ZFHX3: variants seen among roughly 807,000 people sequenced by gnomAD.
ZFHX3 encodes zinc finger homeobox 3, also known as zinc finger homeobox protein 3.
A neutral mutation model predicts 279.1 loss-of-function variants in ZFHX3; 42 were observed. The ratio of observed to expected loss-of-function variants is 0.15; its 90% CI spans 0.12 to 0.19. The LOEUF (loss-of-function observed/expected upper bound fraction) is 0.19. ZFHX3 is among the 10% of genes least tolerant of loss of function. ZFHX3 has a pLI of 1.00. For synonymous variants in ZFHX3, 2,293 were observed against 1,957.8 expected (o/e 1.17, Z -4.52); for missense variants, 4,981 against 4,754.0 (o/e 1.05, Z -1.40).
intron 2 of ZFHX3, among the ~76,000 whole-genome samples, chr16:73,522,651 G>C (rs1160004872): frequency 6.6e-6 from 1 of 152,148 alleles, no homozygotes; most frequent in Non-Finnish European, 1.5e-5. Flanking sequence ...CCTGAGGACA[G>C]GGTGCCCTAA....
At chr16:73,748,155 T>C (rs1321971776) in intron 1 of ZFHX3, among the ~76,000 whole-genome samples, 1 of 152,100 alleles carries the variant, frequency 6.6e-6, no homozygotes, top group Admixed American at 6.5e-5. Context: ...GGATTTTTCA[T>C]CAATGAAATG....
intron 2 of ZFHX3, among the ~76,000 whole-genome samples, chr16:73,538,806 A>G (rs2143744356): frequency 6.6e-6 from 1 of 152,350 alleles, no homozygotes; most frequent in Admixed American, 6.5e-5. Context: ...CGGGCAAACG[A>G]CAATAACAAT....
intron 3 of ZFHX3, among the ~76,000 whole-genome samples, chr16:73,399,011 TGCAC>T (rs201151208): frequency 0.017 from 2,542 of 150,916 alleles, 79 homozygotes; most frequent in African/African-American, 0.059. Flanking sequence ...ACTACAGGCA[TGCAC>T]CACCATGCCC....
intron 2 of ZFHX3, among the ~76,000 whole-genome samples, chr16:73,666,370 A>G (rs1448585705): frequency 6.6e-6 from 1 of 151,964 alleles, no homozygotes; most frequent in Non-Finnish European, 1.5e-5. Context: ...CTTTTTTCAT[A>G]TACAAAATGT....
At chr16:72,924,506 T>C (rs557400733) in intron 3 of ZFHX3, among the ~76,000 whole-genome samples, 1 of 152,264 alleles carries the variant, frequency 6.6e-6, no homozygotes, top group Non-Finnish European at 1.5e-5. Flanking sequence ...ACATAAGTTG[T>C]TTCAAGCCAG....
At chr16:73,759,742 G>T (rs946469948) in intron 1 of ZFHX3, among the ~76,000 whole-genome samples, 1 of 152,054 alleles carries the variant, frequency 6.6e-6, no homozygotes, top group Non-Finnish European at 1.5e-5. Flanking sequence ...CCAGTATTAT[G>T]GGCCCAATTC....
At chr16:73,537,899 T>G (rs2019935732) in intron 2 of ZFHX3, among the ~76,000 whole-genome samples, 1 of 152,244 alleles carries the variant, frequency 6.6e-6, no homozygotes, top group African/African-American at 2.4e-5. Context: ...TATCTTGGAA[T>G]TCGACTTATC....
intron 8 of ZFHX3, among the ~76,000 whole-genome samples, chr16:73,089,762 A>C (rs1296458860): frequency 6.6e-6 from 1 of 152,234 alleles, no homozygotes; most frequent in African/African-American, 2.4e-5. Context: ...AGGCTTTACT[A>C]ATGATCGTCA....
chr16:73,453,747 G>T (rs370096579), intron 3 of ZFHX3, among the ~76,000 whole-genome samples: 1 of 152,214 alleles, frequency 6.6e-6, no homozygotes, highest in East Asian at 1.9e-4. Flanking sequence ...ACATGGCTGG[G>T]GAGGCTTCAC....
chr16:72,996,541 A>C (rs1412945906), intron 1 of ZFHX3, among the ~76,000 whole-genome samples: 1 of 152,200 alleles, frequency 6.6e-6, no homozygotes, highest in African/African-American at 2.4e-5. Flanking sequence ...AATGCTAACA[A>C]CTATCCATCA....
chr16:73,148,674 T>C (rs1013644481), intron 5 of ZFHX3, among the ~76,000 whole-genome samples: 5 of 148,366 alleles, frequency 3.4e-5, no homozygotes, highest in Non-Finnish European at 5.9e-5. Flanking sequence ...GGGTTGGGCA[T>C]GGTGGCTCAC....
At chr16:73,121,103 A>T (rs77479169) in intron 7 of ZFHX3, among the ~76,000 whole-genome samples, 3,722 of 152,326 alleles carry the variant, frequency 0.024, 158 homozygotes, top group African/African-American at 0.085. Context: ...TTATTTCATC[A>T]CAATTAATTT....
At chr16:73,222,605 G>A (rs2144921975) in intron 5 of ZFHX3, among the ~76,000 whole-genome samples, 1 of 152,154 alleles carries the variant, frequency 6.6e-6, no homozygotes, top group East Asian at 1.9e-4. Context: ...CATGTTCATG[G>A]ATACAAAGAC....
intron 1 of ZFHX3, among the ~76,000 whole-genome samples, chr16:73,706,994 T>G (rs2053311422): frequency 6.6e-6 from 1 of 152,238 alleles, no homozygotes; most frequent in African/African-American, 2.4e-5. Context: ...ATGTTTTGTG[T>G]TTTTAAATCA....
At chr16:73,713,095 G>C (rs938956375) in intron 1 of ZFHX3, among the ~76,000 whole-genome samples, 8 of 152,306 alleles carry the variant, frequency 5.3e-5, no homozygotes, top group Admixed American at 2.0e-4. Flanking sequence ...AAAAAGGAGA[G>C]AAAGAGAGAG....
chr16:73,155,040 G>A (rs760788466), intron 5 of ZFHX3, among the ~76,000 whole-genome samples: 16 of 152,032 alleles, frequency 1.1e-4, no homozygotes, highest in Middle Eastern at 6.8e-3. Flanking sequence ...TTGGCATGGT[G>A]GCTGCACTTG....
At chr16:73,886,675 C>A (rs1440782024) in intron 1 of ZFHX3, among the ~76,000 whole-genome samples, 2 of 152,164 alleles carry the variant, frequency 1.3e-5, no homozygotes, top group Non-Finnish European at 2.9e-5. Flanking sequence ...CGCCTCACAA[C>A]AGCGTGAGGA....
chr16:73,394,088 C>G (rs2017077121), intron 3 of ZFHX3, among the ~76,000 whole-genome samples: 1 of 150,316 alleles, frequency 6.7e-6, no homozygotes, highest in Non-Finnish European at 1.5e-5. Flanking sequence ...CGAAATGGAT[C>G]CCATCAATTG....
chr16:72,811,831 C>A, intron 6 of ZFHX3, 54 bp from the exon 7 acceptor site: 2 of 1,598,144 alleles, frequency 1.3e-6, no homozygotes, highest in South Asian at 2.2e-5. Flanking sequence ...CAAGCCCGCC[C>A]ACCCAAAAGT....
Sources: gnomAD v4.1 joint callset for allele counts (sites outside exome capture counted in the v4.1 genomes callset) on GRCh38, gnomAD v4.1.1 for gene constraint, MANE v1.5 for transcripts, NCBI Gene and HGNC (gene_info 2026-07-23, HGNC 2026-07-21) for gene names.